Variants in STAT6 observed in about 807,000 individuals in gnomAD.
STAT6 encodes the protein signal transducer and activator of transcription 6, also known as STAT, interleukin4-induced.
Under a neutral mutation model 106.3 loss-of-function variants are expected in STAT6, and 45 were observed. The ratio of observed to expected loss-of-function variants is 0.42; its 90% confidence interval spans 0.33 to 0.54. STAT6 has a LOEUF of 0.54. Ranked by LOEUF, STAT6 falls within the 20% of genes least tolerant of loss-of-function variation. The probability of loss-of-function intolerance (pLI) is 0.06; values close to 1 mark genes in which losing one functional copy is unlikely to be tolerated. For missense variants in STAT6, 797 were observed against 1,062.2 expected, an observed-to-expected ratio of 0.75 and a Z score of 3.47; for synonymous variants, 413 against 413.6, an observed-to-expected ratio of 1.00 and a Z score of 0.02.
chr12:57,108,315 A>G lies in STAT6; in HGVS notation c.-21-16T>C. On this transcript the variant is annotated splice_polypyrimidine_tract_variant and intron_variant, in intron 1 of 21. Coordinates refer to ENST00000300134, the MANE Select transcript of STAT6 (RefSeq NM_003153.5). ...TGGAGGTTGCCTGGAGGAGAAAAAT[A>G]AGGCCACTCTGAGGGGTGCCCAAGA... is the stretch of plus-strand genomic sequence containing the variant. 7.2e-7 allele frequency: 1 copy of G among 1,394,090 alleles called. No individual in the cohort carries two copies. The highest frequency in any genetic ancestry group is 1.0e-6 in the Non-Finnish European group (1 of 994,736). The allele number at this position is 1,394,090 out of a possible 1,614,324, so 86.4% of individuals were successfully genotyped here.
intron 11 of STAT6, 64 bp from the exon 12 acceptor site, chr12:57,102,985 T>TTCC: frequency 1.8e-5 from 2 of 109,240 alleles, no homozygotes; most frequent in Admixed American, 2.8e-4. Flanking sequence ...TTTTTTTTTT[T>TTCC]TTTTTTTTTT....
chr12:57,108,123 G>C, intron 2 of STAT6, 40 bp downstream of exon 2: 1 of 1,297,280 alleles, frequency 7.7e-7, no homozygotes. Flanking sequence ...GATGAGTTAG[G>C]GAAGACTTGG....
Position 57,105,289 on chromosome 12 carries a change from T to A in STAT6, c.863A>T (p.Lys288Met), listed in dbSNP as rs1275279768. Residue 288 changes from lysine (K) to methionine (M), a missense_variant, in exon 9 of 22, where the codon AAG becomes ATG. This residue lies in a region of STAT6 where 336 missense variants were observed against 429.8 expected (regional missense o/e 0.78). Transcript: ENST00000300134. ...QPPQVLKTQT[K>M]FQAGVRFLLG... ...CAGGAATCGAACTCCAGCCTGGAAC[T>A]TGGTCTGAGTCTTCAGTACCTGGGG... 6.2e-7 allele frequency: 1 copy of A among 1,614,046 alleles called. No individual in the cohort carries two copies. The highest frequency in any genetic ancestry group is 1.3e-5 in the African/African-American group (1 of 74,920).
intron 1 of STAT6, among the ~76,000 whole-genome samples, chr12:57,109,542 A>T (rs745563329): frequency 6.6e-6 from 1 of 152,140 alleles, no homozygotes; most frequent in Non-Finnish European, 1.5e-5. Flanking sequence ...CATCCTAAGA[A>T]GTGGGGGAAG....
chr12:57,099,386 C>T lies in STAT6; in HGVS notation c.1799G>A (p.Arg600His). ...ATCCCGGATTCGGTCCCCCAGTGAG[C>T]GAATGGACAGGTCTTTGGCAGAGAA... The part of the protein sequence containing the change: ...QPFSAKDLSI[R>H]SLGDRIRDLA... Residue 600 changes from arginine (R) to histidine (H), a missense_variant, in exon 16 of 22, where the codon CGC becomes CAC. Arg to His is a conservative substitution (Grantham distance 29). Around this residue, in one of 4 missense-constraint regions of STAT6, gnomAD observed 222 missense variants for 354.6 expected, o/e 0.63. Transcript: ENST00000300134. This position sits in a 1 kb window ranked among gnomAD's most constrained non-coding sequence, Gnocchi z 4.7. 1 of 1,614,122 alleles carries T rather than the reference C, an allele frequency of 6.2e-7. No homozygotes were observed. The highest frequency in any genetic ancestry group is 8.5e-7 in the Non-Finnish European group (1 of 1,180,020).
At chr12:57,100,133 A>G in intron 13 of STAT6, 43 bp from the exon 14 acceptor site, 6 of 1,533,690 alleles carry the variant, frequency 3.9e-6, no homozygotes, top group Non-Finnish European at 5.3e-6. Context: ...GGAGGGCCAG[A>G]GCTGGAGCCT....
rs150132009 is a variant in STAT6, at chr12:57,105,497, C to T, written c.783G>A (p.Leu261=). The T allele has an allele frequency of 6.2e-7, 1 of 1,614,098 alleles. No individual in the cohort carries two copies. The highest frequency in any genetic ancestry group is 8.5e-7 in the Non-Finnish European group (1 of 1,179,990). Residue 261 remains leucine, a synonymous_variant, in exon 8 of 22, where the codon CTG becomes CTA. Coordinates refer to ENST00000300134, the MANE Select transcript of STAT6 (RefSeq NM_003153.5). ...PKTRASLTGR[L]DEVLRTLVTS... ...TGACGAGGGTTCTCAGGACTTCATC[C>T]AGCCGGCCAGTCAGCGATGCCCGGG...
chr12:57,110,584 G>A (rs1003949900), intron 1 of STAT6: 1 of 152,222 alleles, frequency 6.6e-6, no homozygotes, highest in Non-Finnish European at 1.5e-5. Flanking sequence ...AGTTCAGCAC[G>A]AGGAGGGTTA....
At chr12:57,108,495 G>T (rs1196734045) in intron 1 of STAT6, among the ~76,000 whole-genome samples, 196 bp from the exon 2 acceptor site, 1 of 152,184 alleles carries the variant, frequency 6.6e-6, no homozygotes, top group Non-Finnish European at 1.5e-5. Context: ...TAGACACAGG[G>T]GTGGGAAGAG....
rs201789856 is a variant in STAT6 at position 57,106,180 on chromosome 12, C to T, written c.680+11G>A. On this transcript the variant is annotated intron_variant, in intron 7 of 21. Transcript: ENST00000300134. ...AGCTTGCCCCCTCTTCCCCATCAGC[C>T]CTAGCCCAACCTCTCCTGGAGTGGG... 7.1e-4 allele frequency: 1,138 copies of T among 1,613,794 alleles called. No homozygotes were observed. Among genetic ancestry groups the T allele is most frequent in the Non-Finnish European group, 9.1e-4 (1,079 of 1,179,988 alleles).
chr12:57,099,344 T>A lies in STAT6; in HGVS notation c.1841A>T (p.Asn614Ile), dbSNP rs1287524673. Residue 614 changes from asparagine (N) to isoleucine (I), a missense_variant, in exon 16 of 22, where the codon AAT becomes ATT. Transcript: ENST00000300134. The surrounding 1 kb of genome is among the most constrained non-coding windows in gnomAD (Gnocchi z 4.7). ...ATCCTTGGGCTTCTTGGGATAGAGA[T>A]TTTTGAGCTGAGCAAGATCCCGGAT... is the stretch of plus-strand genomic sequence containing the variant. ...DRIRDLAQLKNLYPKKPKDEA... is the reference protein window; with the variant it reads ...DRIRDLAQLKILYPKKPKDEA... 1.9e-6 allele frequency: 3 copies of A among 1,614,074 alleles called. No individual in the cohort carries two copies. The highest frequency in any genetic ancestry group is 2.2e-5 in the South Asian group (2 of 91,076).
chr12:57,104,917 C>T, intron 9 of STAT6, 104 bp from the exon 10 acceptor site: 2 of 1,383,726 alleles, frequency 1.4e-6, no homozygotes, highest in Non-Finnish European at 2.0e-6. Flanking sequence ...CCCTAAATCT[C>T]CATGTCTCTG....
intron 18 of STAT6, 23 bp from the exon 19 acceptor site, chr12:57,098,620 C>T (rs1565680857): frequency 4.4e-6 from 7 of 1,608,420 alleles, no homozygotes; most frequent in East Asian, 2.2e-5. Context: ...AACAGACCCC[C>T]TGATGCCAGC....
rs2033658786 is a variant in STAT6 at position 57,099,207 on chromosome 12, T to C, written c.1891+87A>G. 1 of 1,600,644 alleles carries C rather than the reference T, an allele frequency of 6.2e-7. No individual in the cohort carries two copies. ...TATGAAATAGGGAGTGACATCAGGA[T>C]GACACGCGGGCAGGGAGAGGAGGGC... On this transcript the variant is annotated intron_variant, in intron 16 of 21. Coordinates refer to ENST00000300134, the MANE Select transcript of STAT6 (RefSeq NM_003153.5). This position sits in a 1 kb window ranked among gnomAD's most constrained non-coding sequence, Gnocchi z 4.7.
In STAT6 at chr12:57,099,895, A is replaced by G. The variant is rs1352081154; in HGVS notation, c.1616T>C (p.Ile539Thr). The G allele has an allele frequency of 1.9e-6, 3 of 1,614,228 alleles. No homozygotes were observed. Among genetic ancestry groups the G allele is most frequent in the Non-Finnish European group, 2.5e-6 (3 of 1,180,042 alleles). ...LRSYWSDRLI[I>T]GFISKQYVTS... ...AACGTACTGTTTGCTGATGAAGCCA[A>G]TGATCAGCCTGGCCGGGATGAAGGA... is the stretch of plus-strand genomic sequence containing the variant. Residue 539 changes from isoleucine (I) to threonine (T), a missense_variant, in exon 15 of 22, where the codon ATT becomes ACT. Coordinates refer to ENST00000300134, the MANE Select transcript of STAT6 (RefSeq NM_003153.5). This position sits in a 1 kb window ranked among gnomAD's most constrained non-coding sequence, Gnocchi z 4.7.
chr12:57,104,138 T>C (rs975022506), intron 11 of STAT6: 12 of 309,264 alleles, frequency 3.9e-5, no homozygotes, highest in Non-Finnish European at 6.8e-5. Flanking sequence ...ATCTATAAAA[T>C]GAGGCTGATA....
intron 13 of STAT6, chr12:57,100,700 GAGAAAGAAAGAAAGAAAGAAAGAAAGAA>G (rs56962899): frequency 3.1e-4 from 20 of 64,848 alleles, no homozygotes; most frequent in South Asian, 1.0e-3. Flanking sequence ...AAGAAAGAAA[GAGAAAGAAAGAAAGAAAGAAAGAAAGAA>G]AGAAAGAAAG....
intron 3 of STAT6, 103 bp downstream of exon 3, chr12:57,107,502 C>T (rs1158606157): frequency 1.4e-6 from 2 of 1,463,930 alleles, no homozygotes; most frequent in South Asian, 2.6e-5. Flanking sequence ...CACAGGAACA[C>T]CAATTTGCTT....
chr12:57,098,670 T>C, intron 18 of STAT6, 73 bp from the exon 19 acceptor site: 1 of 1,563,870 alleles, frequency 6.4e-7, no homozygotes, highest in Non-Finnish European at 8.8e-7. Context: ...TTTGAACAGG[T>C]GTCCCTCTCA....
Sources: allele counts gnomAD v4.1 joint callset (sites outside exome capture counted in the v4.1 genomes callset), GRCh38; gene constraint gnomAD v4.1.1; regional missense constraint gnomAD v4.1.1; non-coding constraint Gnocchi (gnomAD v3.1); transcripts MANE v1.5; gene names NCBI Gene and HGNC (gene_info 2026-07-23, HGNC 2026-07-21).